TOMM7: variants seen among roughly 807,000 people sequenced by gnomAD.
TOMM7 encodes mitochondrial import receptor subunit TOM7 homolog.
In TOMM7, 8 loss-of-function variants were observed where a neutral mutation model predicts 9.5. That is an observed-to-expected ratio of 0.84 (90% confidence interval 0.49 to 1.51). The LOEUF is 1.51. Among genes scored for constraint, TOMM7 ranks in the 40% most tolerant of loss-of-function variants. TOMM7 has a pLI of 0.00. For missense variants in TOMM7, 74 were observed against 63.7 expected, an observed-to-expected ratio of 1.16 and a Z score of -0.55; for synonymous variants, 27 against 21.4, an observed-to-expected ratio of 1.26 and a Z score of -0.72.
At position 22,818,028 on chromosome 7, in the gene TOMM7, G is replaced by C. The variant is rs750221280; in HGVS notation, c.124C>G (p.Pro42Ala). Residue 42 changes from proline to alanine, a missense_variant, in exon 2 of 3, where the codon CCC becomes GCC. Physicochemically the swap from Pro to Ala is conservative, Grantham distance 27. Coordinates refer to ENST00000358435, the MANE Select transcript of TOMM7 (RefSeq NM_019059.5). ...AAAACAGTTGGTTCAGGCATTCCGG[G>C]ATCTGCACCCCTCTTAAATCCTGAA... Reference protein sequence around the residue: ...IYLGFKRGADPGMPEPTVLSL... With the variant: ...IYLGFKRGADAGMPEPTVLSL... 1 of 1,613,868 alleles carries C rather than the reference G, an allele frequency of 6.2e-7. No homozygotes were observed. Among genetic ancestry groups the C allele is most frequent in the Non-Finnish European group, 8.5e-7 (1 of 1,179,922 alleles).
chr7:22,820,573 G>A (rs1454970308), intron 1 of TOMM7, among the ~76,000 whole-genome samples: 1 of 152,126 alleles, frequency 6.6e-6, no homozygotes, highest in Non-Finnish European at 1.5e-5. Flanking sequence ...CCTCGTACAC[G>A]CAGTGAAAAA....
At position 22,822,833 on chromosome 7, in the gene TOMM7, A is replaced by C; in HGVS notation, c.-54T>G. 1 of 1,474,036 alleles carries C rather than the reference A, an allele frequency of 6.8e-7. No homozygotes were observed. Among genetic ancestry groups the C allele is most frequent in the Non-Finnish European group, 9.5e-7 (1 of 1,053,426 alleles). 91.3% of individuals were successfully genotyped at this position (1,474,036 alleles called of 1,614,324 possible). A position where few individuals can be genotyped will look rare whatever the true frequency, so the allele number is the denominator to read the frequency against. On this transcript the variant is annotated 5_prime_UTR_variant, in exon 1 of 3. The change creates a new upstream start codon in the 5' untranslated region. Coordinates refer to ENST00000358435, the MANE Select transcript of TOMM7 (RefSeq NM_019059.5). ...CCCTTACAGCAACCACAGCGTCGGG[A>C]ATCCGAAAGGGAAAGGAGGTGCGCA...
Position 22,820,991 on chromosome 7 carries a change from A to G in TOMM7, c.103+1686T>C, listed in dbSNP as rs982532089. ...TAGGAAGCAGCACCTTGTTAAAACC[A>G]TAGCATTTTAAAATGTGAAACTGAG... On this transcript the variant is annotated intron_variant, in intron 1 of 2. Transcript: ENST00000358435. 3.9e-5 allele frequency among the ~76,000 whole-genome samples: 6 copies of G among 152,350 alleles called. No homozygotes were observed. The East Asian group carries it at 1.2e-3, about 29-fold the overall frequency.
chr7:22,814,114 C>T lies in TOMM7; in HGVS notation c.153-929G>A, dbSNP rs186734929. ...ACTTTGGAGGCTGAGGTGGGTGGATCGCCTGAGCCCACGAGTTCGAAACCA... is the reference window on the plus strand; with the variant it reads ...ACTTTGGAGGCTGAGGTGGGTGGATTGCCTGAGCCCACGAGTTCGAAACCA... On this transcript the variant is annotated intron_variant, in intron 2 of 2. Coordinates refer to ENST00000358435, the MANE Select transcript of TOMM7 (RefSeq NM_019059.5). Among the ~76,000 whole-genome samples the T allele has an allele frequency of 2.0e-3, 294 of 149,446 alleles. 2 individuals carry two copies. In the South Asian group the frequency reaches 0.02, roughly 10 times the overall value.
At chr7:22,822,589 C>G in intron 1 of TOMM7, 88 bp downstream of exon 1, 1 of 1,181,366 alleles carries the variant, frequency 8.5e-7, no homozygotes, top group Non-Finnish European at 1.3e-6. Context: ...CCCTATTTTT[C>G]TCTCCCTCCC....
At chr7:22,822,509 G>A (rs543281655) in intron 1 of TOMM7, among the ~76,000 whole-genome samples, 168 bp downstream of exon 1, 43 of 152,174 alleles carry the variant, frequency 2.8e-4, no homozygotes, top group Non-Finnish European at 4.0e-4. Flanking sequence ...GCGATAGAAC[G>A]GGAACTCGAA....
Position 22,817,696 on chromosome 7 carries a change from G to C in TOMM7, c.152+304C>G, listed in dbSNP as rs1782334482. 4 of 267,682 alleles carry C rather than the reference G, an allele frequency of 1.5e-5. No homozygotes were observed. The East Asian group carries it at 3.4e-4, about 23-fold the overall frequency. 16.6% of individuals were successfully genotyped at this position (267,682 alleles called of 1,614,324 possible). A position where few individuals can be genotyped will look rare whatever the true frequency, so the allele number is the denominator to read the frequency against. On this transcript the variant is annotated intron_variant, in intron 2 of 2. Coordinates refer to ENST00000358435, the MANE Select transcript of TOMM7 (RefSeq NM_019059.5). ...TACCCTTGTCAGAGCGATATAAAAG[G>C]TTGTATTCATCTGAATGAGGATAAG... is the stretch of plus-strand genomic sequence containing the variant.
Position 22,813,162 on chromosome 7 carries a change from A to G in TOMM7, c.*8T>C, listed in dbSNP as rs1782270242. 1.9e-6 allele frequency: 3 copies of G among 1,613,802 alleles called. No individual in the cohort carries two copies. The highest frequency in any genetic ancestry group is 2.5e-6 in the Non-Finnish European group (3 of 1,179,792). Reference sequence around the variant, plus strand: ...ATTGCCTCCAAATCCAGAAGACCAAATAATCCTTTATCCCCAAAGTAGGCT... The same window carrying G: ...ATTGCCTCCAAATCCAGAAGACCAAGTAATCCTTTATCCCCAAAGTAGGCT... On this transcript the variant is annotated 3_prime_UTR_variant, in exon 3 of 3. Coordinates refer to ENST00000358435, the MANE Select transcript of TOMM7 (RefSeq NM_019059.5).
chr7:22,815,332 T>G (rs1341171697), intron 2 of TOMM7, among the ~76,000 whole-genome samples: 3 of 152,076 alleles, frequency 2.0e-5, no homozygotes, highest in African/African-American at 7.2e-5. Context: ...AAAAAAGTGT[T>G]ATTTCCTAGC....
chr7:22,816,061 C>T (rs1782313297), intron 2 of TOMM7, among the ~76,000 whole-genome samples: 1 of 152,078 alleles, frequency 6.6e-6, no homozygotes, highest in African/African-American at 2.4e-5. Flanking sequence ...TATCATATAG[C>T]TAGAGCACTG....
chr7:22,814,349 C>CA lies in TOMM7; in HGVS notation c.153-1165dup, dbSNP rs58506942. On this transcript the variant is annotated intron_variant, in intron 2 of 2. Coordinates refer to ENST00000358435, the MANE Select transcript of TOMM7 (RefSeq NM_019059.5). Reference sequence around the variant, plus strand: ...TGGGTGACAGAGCAAGACTCCGACTCAAAAAAAAAAAAAAAAAAAATTAGC... The same window carrying CA: ...TGGGTGACAGAGCAAGACTCCGACTCAAAAAAAAAAAAAAAAAAAAATTAGC... Among the ~76,000 whole-genome samples, 401 of 90,982 alleles carry CA rather than the reference C, an allele frequency of 4.4e-3. 1 individual carries two copies. Among genetic ancestry groups the CA allele is most frequent in the African/African-American group, 7.9e-3 (170 of 21,462 alleles). 59.7% of individuals were successfully genotyped at this position (90,982 alleles called of 152,430 possible).
At chr7:22,820,804 T>C (rs1169777826) in intron 1 of TOMM7, among the ~76,000 whole-genome samples, 1 of 152,170 alleles carries the variant, frequency 6.6e-6, no homozygotes, top group Admixed American at 6.5e-5. Flanking sequence ...AGAAAAGTAA[T>C]GTTTTTTTAA....
In TOMM7 at chr7:22,822,658, C is replaced by T; in HGVS notation, c.103+19G>A. 1.9e-6 allele frequency: 3 copies of T among 1,602,594 alleles called. No individual in the cohort carries two copies. Among genetic ancestry groups the T allele is most frequent in the African/African-American group, 1.3e-5 (1 of 74,798 alleles). On this transcript the variant is annotated intron_variant, in intron 1 of 2. Coordinates refer to ENST00000358435, the MANE Select transcript of TOMM7 (RefSeq NM_019059.5). ...ACCCTCTTCCCTCCAGTCACTTTCC[C>T]GGTTCTTCTCCCACTGACCCAGGTA...
chr7:22,822,011 C>T, intron 1 of TOMM7: 1 of 1,029,948 alleles, frequency 9.7e-7, no homozygotes, highest in Non-Finnish European at 1.3e-6. Context: ...AAAACAAAAA[C>T]CAAAAAAACC....
At chr7:22,818,165 T>G in intron 1 of TOMM7, 117 bp from the exon 2 acceptor site, 1 of 889,110 alleles carries the variant, frequency 1.1e-6, no homozygotes, top group Non-Finnish European at 1.8e-6. Context: ...GAATGATATC[T>G]AGACCAACCA....
At chr7:22,817,971 C>T (rs1327383021) in intron 2 of TOMM7, 29 bp downstream of exon 2, 2 of 1,602,540 alleles carry the variant, frequency 1.2e-6, no homozygotes, top group South Asian at 1.1e-5. Context: ...GAACATTTGT[C>T]CTGAAATGTT....
intron 2 of TOMM7, among the ~76,000 whole-genome samples, chr7:22,813,833 G>A (rs1323151911): frequency 9.9e-6 from 1 of 101,216 alleles, no homozygotes; most frequent in African/African-American, 5.5e-5. Context: ...GAAAAGAGAT[G>A]GTTTCATTTC....
chr7:22,821,484 G>A (rs922257444), intron 1 of TOMM7, among the ~76,000 whole-genome samples: 4 of 151,976 alleles, frequency 2.6e-5, no homozygotes, highest in Non-Finnish European at 5.9e-5. Context: ...AGCACTTTGG[G>A]AGGCCGCGCG....
chr7:22,819,281 A>T (rs939698262), intron 1 of TOMM7, among the ~76,000 whole-genome samples: 9 of 150,576 alleles, frequency 6.0e-5, no homozygotes, highest in South Asian at 2.1e-4. Flanking sequence ...GTTAATATTT[A>T]AAAAAAAAAT....
Sources: gnomAD v4.1 joint callset for allele counts (sites outside exome capture counted in the v4.1 genomes callset) on GRCh38, gnomAD v4.1.1 for gene constraint, MANE v1.5 for transcripts, NCBI Gene and HGNC (gene_info 2026-07-23, HGNC 2026-07-21) for gene names.